Variants in SAMMSON observed in about 807,000 individuals in gnomAD.
SAMMSON encodes the protein long intergenic non-protein coding RNA 1212.
chr3:70,338,784 C>T (rs550462269), intron 7 of SAMMSON, among the ~76,000 whole-genome samples: 2 of 152,252 alleles, frequency 1.3e-5, no homozygotes, highest in Admixed American at 1.3e-4. Context: ...ATTCCATGCT[C>T]ATGGATAGGA....
intron 3 of SAMMSON, among the ~76,000 whole-genome samples, chr3:70,020,476 G>A (rs2067008716): frequency 6.6e-6 from 1 of 152,124 alleles, no homozygotes; most frequent in Admixed American, 6.5e-5. Flanking sequence ...GGCATCTGTG[G>A]TAGTGGCAGA....
At chr3:70,214,180 G>C (rs571493286) in intron 4 of SAMMSON, among the ~76,000 whole-genome samples, 1 of 152,146 alleles carries the variant, frequency 6.6e-6, no homozygotes, top group East Asian at 1.9e-4. Flanking sequence ...AATCTAATTG[G>C]GGAGGGAGGA....
At chr3:70,404,597 T>C (rs1450416185) in intron 2 of SAMMSON, among the ~76,000 whole-genome samples, 1 of 152,198 alleles carries the variant, frequency 6.6e-6, no homozygotes, top group African/African-American at 2.4e-5. Flanking sequence ...CTTCTGCTTC[T>C]GAGCATGATG....
intron 4 of SAMMSON, chr3:70,072,733 A>G (rs930770453): frequency 1.3e-5 from 2 of 151,942 alleles, no homozygotes; most frequent in Non-Finnish European, 2.9e-5. Flanking sequence ...AGCAAAACAA[A>G]TGACAAAGTT....
intron 4 of SAMMSON, chr3:70,205,743 T>C (rs1201880541): frequency 6.6e-6 from 1 of 152,110 alleles, no homozygotes; most frequent in Non-Finnish European, 1.5e-5. Flanking sequence ...TTTTTTCTTA[T>C]TTTCAAAAAG....
At chr3:70,299,007 G>A (rs1244909898) in intron 7 of SAMMSON, among the ~76,000 whole-genome samples, 2 of 152,122 alleles carry the variant, frequency 1.3e-5, no homozygotes, top group African/African-American at 2.4e-5. Context: ...GCCATCCAAA[G>A]GTGAAAAGTA....
intron 4 of SAMMSON, among the ~76,000 whole-genome samples, chr3:70,218,336 T>C (rs1701433721): frequency 6.6e-6 from 1 of 152,148 alleles, no homozygotes; most frequent in Non-Finnish European, 1.5e-5. Flanking sequence ...CATGGATGTA[T>C]ATAGATGCAT....
chr3:70,085,294 C>T (rs1408390965), intron 4 of SAMMSON, among the ~76,000 whole-genome samples: 1 of 152,198 alleles, frequency 6.6e-6, no homozygotes, highest in Non-Finnish European at 1.5e-5. Flanking sequence ...TAAGGGCTGA[C>T]TCACTGAATA....
intron 3 of SAMMSON, among the ~76,000 whole-genome samples, chr3:70,029,333 T>A (rs1298725321): frequency 2.6e-5 from 4 of 152,198 alleles, no homozygotes; most frequent in Non-Finnish European, 4.4e-5. Flanking sequence ...GAACAATGGA[T>A]GAGACCAATG....
At chr3:70,150,127 T>A (rs2067565415) in intron 4 of SAMMSON, among the ~76,000 whole-genome samples, 2 of 152,092 alleles carry the variant, frequency 1.3e-5, no homozygotes, top group Non-Finnish European at 2.9e-5. Context: ...ATAATATGAC[T>A]GTAGAGGTTT....
At chr3:70,411,298 G>T (rs963117282) in intron 2 of SAMMSON, among the ~76,000 whole-genome samples, 38 of 152,242 alleles carry the variant, frequency 2.5e-4, no homozygotes, top group African/African-American at 9.1e-4. Context: ...CAGTCTTTCT[G>T]GAAGTAAGGA....
chr3:70,336,814 TTGTG>T (rs71126494), intron 7 of SAMMSON, among the ~76,000 whole-genome samples: 11,579 of 126,496 alleles, frequency 0.092, 486 homozygotes, highest in Admixed American at 0.14. Context: ...AATAGAAAGT[TTGTG>T]TGTGTGTGTG....
chr3:70,152,444 A>G (rs1036790192), intron 4 of SAMMSON, among the ~76,000 whole-genome samples: 2 of 152,062 alleles, frequency 1.3e-5, no homozygotes, highest in Admixed American at 6.6e-5. Context: ...ATCAAAAGTG[A>G]CAGTGGGTAC....
chr3:70,126,237 T>G, intron 4 of SAMMSON: 1 of 1,020,642 alleles, frequency 9.8e-7, no homozygotes, highest in Non-Finnish European at 1.5e-6. Flanking sequence ...TTTATCGTCT[T>G]CAACAGGGTC....
At chr3:70,074,058 A>G (rs73836091) in intron 4 of SAMMSON, among the ~76,000 whole-genome samples, 2,991 of 151,942 alleles carry the variant, frequency 0.02, 102 homozygotes, top group African/African-American at 0.067. Flanking sequence ...TTTATTTTGT[A>G]GAAGCAATGT....
chr3:70,050,948 C>G (rs113318677), intron 3 of SAMMSON, among the ~76,000 whole-genome samples: 4,159 of 151,432 alleles, frequency 0.027, 107 homozygotes, highest in Non-Finnish European at 0.037. Context: ...CCAGCCTGGC[C>G]AACATGACAA....
chr3:70,158,445 T>C (rs2067600776), intron 4 of SAMMSON, among the ~76,000 whole-genome samples: 1 of 152,092 alleles, frequency 6.6e-6, no homozygotes, highest in Admixed American at 6.6e-5. Context: ...TTTTGAGTAT[T>C]CATTCACCAG....
chr3:70,375,213 T>C (rs937457131), intron 9 of SAMMSON, among the ~76,000 whole-genome samples: 8 of 152,160 alleles, frequency 5.3e-5, no homozygotes, highest in African/African-American at 1.9e-4. Context: ...TCTCTTTATT[T>C]CTCTGTGTCT....
At chr3:70,416,966 T>A (rs1416786532) in intron 2 of SAMMSON, among the ~76,000 whole-genome samples, 1 of 152,056 alleles carries the variant, frequency 6.6e-6, no homozygotes, top group East Asian at 1.9e-4. Flanking sequence ...GAGAAAAACA[T>A]CTGGCATAGA....
Sources: allele counts gnomAD v4.1 joint callset (sites outside exome capture counted in the v4.1 genomes callset), GRCh38; gene constraint gnomAD v4.1.1; transcripts MANE v1.5; gene names NCBI Gene and HGNC (gene_info 2026-07-23, HGNC 2026-07-21).